Variants in DLG2 observed in about 807,000 individuals in gnomAD.
DLG2 encodes disks large homolog 2.
In DLG2, 45 loss-of-function variants were observed where a neutral mutation model predicts 132.5. That is an observed-to-expected ratio of 0.34 (90% CI 0.27 to 0.44). DLG2 has a LOEUF of 0.44. DLG2 is among the 20% of genes least tolerant of loss of function. DLG2 has a pLI of 1.00. For synonymous variants in DLG2, 424 were observed against 419.6 expected, an observed-to-expected ratio of 1.01 and a Z score of -0.13; for missense variants, 1,045 against 1,196.9, an observed-to-expected ratio of 0.87 and a Z score of 1.87.
At chr11:84,611,672 C>G (rs181099089) in intron 6 of DLG2, among the ~76,000 whole-genome samples, 2 of 152,198 alleles carry the variant, frequency 1.3e-5, no homozygotes, top group African/African-American at 2.4e-5. Flanking sequence ...ATAACTCCAC[C>G]TCTTAAGAAA....
At chr11:85,575,427 T>C (rs887475818) in intron 3 of DLG2, among the ~76,000 whole-genome samples, 4 of 151,612 alleles carry the variant, frequency 2.6e-5, no homozygotes, top group Admixed American at 6.6e-5. Context: ...TCCCAGCCAC[T>C]TGGGAGGCTG....
chr11:83,597,759 TGGAA>T (rs1277805031), intron 19 of DLG2, among the ~76,000 whole-genome samples: 1 of 151,846 alleles, frequency 6.6e-6, no homozygotes, highest in Non-Finnish European at 1.5e-5. Context: ...CACTCCCACC[TGGAA>T]GACAGAGTGA....
At chr11:84,150,615 T>C (rs879646565) in intron 9 of DLG2, among the ~76,000 whole-genome samples, 74 of 152,178 alleles carry the variant, frequency 4.9e-4, no homozygotes, top group African/African-American at 3.1e-4. Flanking sequence ...TCCTTTCTCT[T>C]GCTTGATTCT....
chr11:84,540,634 G>A (rs1265412025), intron 6 of DLG2, among the ~76,000 whole-genome samples: 1 of 152,234 alleles, frequency 6.6e-6, no homozygotes, highest in South Asian at 2.1e-4. Context: ...TCAGTGTGGC[G>A]ATTCCTCAAG....
At chr11:84,631,306 G>A (rs1465756624) in intron 6 of DLG2, among the ~76,000 whole-genome samples, 2 of 152,008 alleles carry the variant, frequency 1.3e-5, no homozygotes, top group Non-Finnish European at 2.9e-5. Flanking sequence ...TCTAATGAAT[G>A]AATGAATAAC....
At chr11:84,243,017 C>CTATATATATATATATA (rs71465003) in intron 8 of DLG2, among the ~76,000 whole-genome samples, 2 of 142,146 alleles carry the variant, frequency 1.4e-5, no homozygotes, top group African/African-American at 5.3e-5. Context: ...CTCTCTCTCT[C>CTATATATATATATATA]TATATATATA....
At chr11:85,485,620 G>C (rs1441734851) in intron 3 of DLG2, among the ~76,000 whole-genome samples, 1 of 152,208 alleles carries the variant, frequency 6.6e-6, no homozygotes, top group African/African-American at 2.4e-5. Flanking sequence ...CTGGGAGCCA[G>C]AAAAAGCTCC....
chr11:83,922,836 C>A (rs2078203355), intron 15 of DLG2, among the ~76,000 whole-genome samples: 1 of 152,054 alleles, frequency 6.6e-6, no homozygotes, highest in East Asian at 1.9e-4. Context: ...TTATTAGAAA[C>A]AATAAACTAC....
chr11:84,884,917 T>C (rs2087983584), intron 6 of DLG2, among the ~76,000 whole-genome samples: 1 of 152,132 alleles, frequency 6.6e-6, no homozygotes, highest in Non-Finnish European at 1.5e-5. Flanking sequence ...GAATGTAAAA[T>C]GTCCCTTTGT....
At chr11:83,921,054 G>A (rs1388822420) in intron 15 of DLG2, among the ~76,000 whole-genome samples, 2 of 152,136 alleles carry the variant, frequency 1.3e-5, no homozygotes, top group Non-Finnish European at 2.9e-5. Flanking sequence ...TACCAGCCTA[G>A]TTAGGTTCAA....
intron 3 of DLG2, among the ~76,000 whole-genome samples, chr11:85,292,199 T>A (rs1442912986): frequency 6.6e-6 from 1 of 152,062 alleles, no homozygotes; most frequent in Non-Finnish European, 1.5e-5. Flanking sequence ...ATTCTCCCAA[T>A]CCATATGAGT....
chr11:85,467,046 C>T (rs2092814836), intron 3 of DLG2, among the ~76,000 whole-genome samples: 1 of 151,986 alleles, frequency 6.6e-6, no homozygotes, highest in South Asian at 2.1e-4. Context: ...AGTTGGATTC[C>T]TAGGTATTTT....
intron 6 of DLG2, among the ~76,000 whole-genome samples, chr11:84,893,545 G>A (rs1206540094): frequency 6.6e-6 from 1 of 152,102 alleles, no homozygotes; most frequent in East Asian, 1.9e-4. Context: ...CCTCCTTATG[G>A]CTAGGAATTC....
intron 8 of DLG2, among the ~76,000 whole-genome samples, chr11:84,237,865 G>A (rs951162756): frequency 4.0e-5 from 6 of 151,498 alleles, no homozygotes; most frequent in African/African-American, 1.2e-4. Context: ...GTGAAACCCT[G>A]TCTTTACTAA....
At chr11:84,471,333 A>G (rs1400663774) in intron 7 of DLG2, among the ~76,000 whole-genome samples, 1 of 151,560 alleles carries the variant, frequency 6.6e-6, no homozygotes, top group African/African-American at 2.4e-5. Flanking sequence ...TGCTGCTCTG[A>G]TATCTCCTTA....
At chr11:84,949,796 C>T (rs1289638545) in intron 6 of DLG2, among the ~76,000 whole-genome samples, 2 of 152,058 alleles carry the variant, frequency 1.3e-5, no homozygotes, top group South Asian at 2.1e-4. Context: ...GTGTAGTTAA[C>T]GCAATTATTA....
intron 19 of DLG2, among the ~76,000 whole-genome samples, chr11:83,629,448 TC>T (rs1265019700): frequency 9.2e-5 from 14 of 152,272 alleles, no homozygotes; most frequent in African/African-American, 3.4e-4. Context: ...TTTTTCTCCT[TC>T]CCCTTGGTGG....
At chr11:84,443,769 G>A (rs1293587194) in intron 7 of DLG2, among the ~76,000 whole-genome samples, 1 of 152,016 alleles carries the variant, frequency 6.6e-6, no homozygotes, top group African/African-American at 2.4e-5. Flanking sequence ...AGTACTTGAT[G>A]TATACTGAAC....
intron 6 of DLG2, among the ~76,000 whole-genome samples, chr11:84,874,674 A>T (rs964458686): frequency 6.6e-6 from 1 of 152,152 alleles, no homozygotes; most frequent in Non-Finnish European, 1.5e-5. Context: ...CATGTGAGAG[A>T]TGATTCCTTG....
Sources: gnomAD v4.1 joint callset for allele counts (sites outside exome capture counted in the v4.1 genomes callset) on GRCh38, gnomAD v4.1.1 for gene constraint, MANE v1.5 for transcripts, NCBI Gene and HGNC (gene_info 2026-07-23, HGNC 2026-07-21) for gene names.